The following COL8A1 variants were observed in gnomAD, a reference collection of about 807,000 sequenced individuals.
COL8A1 encodes collagen alpha-1(VIII) chain.
COL8A1 carries 21 observed loss-of-function variants against 42.7 expected under a neutral mutation model. The ratio of observed to expected loss-of-function variants is 0.49; its 90% CI spans 0.35 to 0.71. COL8A1 has a LOEUF of 0.71. COL8A1 is among the 30% of genes least tolerant of loss of function. The pLI is 0.01. For missense variants in COL8A1, 788 were observed against 962.4 expected (o/e 0.82, Z 2.40); for synonymous variants, 367 against 369.1 (o/e 0.99, Z 0.06).
chr3:99,675,419 C>T (rs1938664004), intron 1 of COL8A1, among the ~76,000 whole-genome samples: 1 of 151,972 alleles, frequency 6.6e-6, no homozygotes, highest in Non-Finnish European at 1.5e-5. Context: ...GTTATGAGCG[C>T]CAGTGATGCA....
chr3:99,796,094 T>C lies in COL8A1; in HGVS notation c.2193T>C (p.Tyr731=), dbSNP rs756431347. 6.4e-7 allele frequency: 1 copy of C among 1,557,698 alleles called. No homozygotes were observed. The highest frequency in any genetic ancestry group is 8.7e-7 in the Non-Finnish European group (1 of 1,149,940). ...EQAAGLYAGQ[Y]VHSSFSGYLL... ...CTGCAGGACTGTATGCCGGGCAGTATGTCCACTCCTCCTTTTCAGGATATT... is the reference window on the plus strand; with the variant it reads ...CTGCAGGACTGTATGCCGGGCAGTACGTCCACTCCTCCTTTTCAGGATATT... The change falls in exon 4 of 4, where the codon TAT becomes TAC. Residue 731 remains tyrosine (Y), a synonymous_variant. Transcript: ENST00000652472.
At chr3:99,790,236 GA>G (rs1472471039) in intron 2 of COL8A1, among the ~76,000 whole-genome samples, 42 of 152,342 alleles carry the variant, frequency 2.8e-4, no homozygotes, top group African/African-American at 1.0e-3. Context: ...AATCCAGCCA[GA>G]AGGAAGGAGG....
At chr3:99,689,249 TG>T (rs1262904249) in intron 1 of COL8A1, among the ~76,000 whole-genome samples, 5 of 152,232 alleles carry the variant, frequency 3.3e-5, no homozygotes, top group African/African-American at 1.2e-4. Context: ...CTACATGGCC[TG>T]TTCGAGTGTA....
intron 1 of COL8A1, among the ~76,000 whole-genome samples, chr3:99,727,219 G>C (rs1036372149): frequency 3.9e-5 from 6 of 152,034 alleles, no homozygotes; most frequent in Admixed American, 3.9e-4. Context: ...CTGTTTGTCT[G>C]TTATTGGTGT....
At chr3:99,729,415 C>A (rs1315002521) in intron 1 of COL8A1, among the ~76,000 whole-genome samples, 1 of 151,856 alleles carries the variant, frequency 6.6e-6, no homozygotes, top group Non-Finnish European at 1.5e-5. Context: ...CTTCTTTGAA[C>A]TTTGAAACCA....
intron 1 of COL8A1, among the ~76,000 whole-genome samples, chr3:99,673,664 T>A (rs115872770): frequency 1.3e-5 from 2 of 152,074 alleles, no homozygotes; most frequent in Admixed American, 6.6e-5. Flanking sequence ...GATTGTAAGA[T>A]AATTATTAGT....
At chr3:99,777,518 C>T (rs1576473181) in intron 2 of COL8A1, among the ~76,000 whole-genome samples, 1 of 152,242 alleles carries the variant, frequency 6.6e-6, no homozygotes, top group South Asian at 2.1e-4. Flanking sequence ...GCATTCTGCT[C>T]CTCTGGAATT....
intron 1 of COL8A1, among the ~76,000 whole-genome samples, chr3:99,742,680 C>T (rs1238056854): frequency 6.6e-6 from 1 of 152,194 alleles, no homozygotes; most frequent in Non-Finnish European, 1.5e-5. Context: ...GCAATTTAGG[C>T]ATCTTCACTG....
chr3:99,738,794 TG>T (rs1940811268), intron 1 of COL8A1, among the ~76,000 whole-genome samples: 1 of 152,194 alleles, frequency 6.6e-6, no homozygotes. Flanking sequence ...TAATCAAGCC[TG>T]AGCAATGGCG....
chr3:99,748,590 G>C (rs1941078668), intron 2 of COL8A1, among the ~76,000 whole-genome samples: 2 of 151,930 alleles, frequency 1.3e-5, no homozygotes, highest in Admixed American at 6.5e-5. Context: ...GTTGATATTT[G>C]ACTCACATTG....
rs544933533 is a variant in COL8A1 at position 99,734,803 on chromosome 3, G to C, written c.-128-10094G>C. ...ATGAGCATGGAATGTTCTTCCATTT[G>C]TTTGTATCCTCTTTTATTTCCTTGA... On this transcript the variant is annotated intron_variant, in intron 1 of 3. Coordinates refer to ENST00000652472, the MANE Select transcript of COL8A1 (RefSeq NM_020351.4). Among the ~76,000 whole-genome samples, 826 of 152,116 alleles carry C rather than the reference G, an allele frequency of 5.4e-3. 12 individuals carry two copies. The highest frequency in any genetic ancestry group is 0.019 in the African/African-American group (782 of 41,474).
chr3:99,737,219 T>G (rs1045460743), intron 1 of COL8A1, among the ~76,000 whole-genome samples: 11 of 152,188 alleles, frequency 7.2e-5, no homozygotes, highest in African/African-American at 2.7e-4. Flanking sequence ...ATTGGAGCAT[T>G]TAGTCCATTT....
chr3:99,690,700 T>C (rs1576432266), intron 1 of COL8A1, among the ~76,000 whole-genome samples: 2 of 152,226 alleles, frequency 1.3e-5, no homozygotes, highest in South Asian at 4.1e-4. Context: ...TCTTAACTCA[T>C]AATGTTCCAC....
intron 1 of COL8A1, among the ~76,000 whole-genome samples, chr3:99,642,627 C>T (rs925847806): frequency 1.3e-5 from 2 of 152,214 alleles, no homozygotes; most frequent in East Asian, 3.8e-4. Context: ...TGACCCTTCT[C>T]TCCTTCAGCA....
intron 1 of COL8A1, among the ~76,000 whole-genome samples, chr3:99,662,825 C>T (rs1057056214): frequency 1.3e-5 from 2 of 152,158 alleles, no homozygotes; most frequent in African/African-American, 4.8e-5. Context: ...CCTTCATCTT[C>T]ACATGGAGTT....
chr3:99,664,992 C>T (rs762134840), intron 1 of COL8A1, among the ~76,000 whole-genome samples: 18 of 152,326 alleles, frequency 1.2e-4, no homozygotes, highest in East Asian at 1.2e-3. Context: ...TTGCTCTCTC[C>T]TGGGAATTTC....
intron 1 of COL8A1, among the ~76,000 whole-genome samples, chr3:99,639,368 G>C (rs1007069495): frequency 6.6e-5 from 10 of 152,174 alleles, no homozygotes; most frequent in African/African-American, 2.4e-4. Context: ...ATGAATTTCT[G>C]TACACACACC....
intron 1 of COL8A1, among the ~76,000 whole-genome samples, chr3:99,738,186 CAGAGT>C (rs1372890009): frequency 1.3e-5 from 2 of 152,202 alleles, no homozygotes; most frequent in Non-Finnish European, 2.9e-5. Context: ...TCCCATAGCT[CAGAGT>C]AATTTGATCA....
chr3:99,661,591 C>T (rs1289071572), intron 1 of COL8A1, among the ~76,000 whole-genome samples: 1 of 152,080 alleles, frequency 6.6e-6, no homozygotes, highest in African/African-American at 2.4e-5. Context: ...ATAGAATTAG[C>T]ATATTATCCA....
Sources: allele counts gnomAD v4.1 joint callset (sites outside exome capture counted in the v4.1 genomes callset), GRCh38; gene constraint gnomAD v4.1.1; transcripts MANE v1.5; gene names NCBI Gene and HGNC (gene_info 2026-07-23, HGNC 2026-07-21).